The following IDH3B variants were observed in gnomAD, a reference collection of about 807,000 sequenced individuals.
The protein encoded by IDH3B is isocitrate dehydrogenase [NAD] subunit beta, mitochondrial.
IDH3B carries 40 observed loss-of-function variants against 47.5 expected under a neutral mutation model. The ratio of observed to expected loss-of-function variants is 0.84; its 90% CI spans 0.65 to 1.10. The LOEUF (loss-of-function observed/expected upper bound fraction) is 1.10. Among genes scored for constraint, IDH3B ranks in the 50% least tolerant of loss-of-function variants. The probability of loss-of-function intolerance (pLI) is 0.00; values close to 1 mark genes in which losing one functional copy is unlikely to be tolerated. For missense variants in IDH3B, 450 were observed against 505.2 expected, an observed-to-expected ratio of 0.89 and a Z score of 1.05; for synonymous variants, 185 against 191.0, an observed-to-expected ratio of 0.97 and a Z score of 0.26.
At position 2,663,918 on chromosome 20, in the gene IDH3B, T is replaced by A; in HGVS notation, c.117+7A>T. Reference sequence around the variant, plus strand: ...GTAAGAGAGACCCCAGCCAGATTCGTGCATACCTGGCTCCGCGATGCAGCG... The same window carrying A: ...GTAAGAGAGACCCCAGCCAGATTCGAGCATACCTGGCTCCGCGATGCAGCG... On this transcript the variant is annotated splice_region_variant and intron_variant, in intron 2 of 11. Transcript: ENST00000380843. 6.2e-7 allele frequency: 1 copy of A among 1,613,466 alleles called. No individual in the cohort carries two copies. The highest frequency in any genetic ancestry group is 8.5e-7 in the Non-Finnish European group (1 of 1,179,480).
At chr20:2,659,365 A>G (rs796985493) in intron 11 of IDH3B, 160 bp downstream of exon 11, 1 of 1,575,122 alleles carries the variant, frequency 6.3e-7, no homozygotes, top group Non-Finnish European at 8.6e-7. Context: ...AGGGAGATGA[A>G]GAACAGCCCT....
Position 2,664,212 on chromosome 20 carries a change from G to A in IDH3B, c.-24C>T. 6.2e-7 allele frequency: 1 copy of A among 1,611,910 alleles called. No homozygotes were observed. Among genetic ancestry groups the A allele is most frequent in the Non-Finnish European group, 8.5e-7 (1 of 1,179,240 alleles). On this transcript the variant is annotated 5_prime_UTR_variant, in exon 1 of 12. Coordinates refer to ENST00000380843, the MANE Select transcript of IDH3B (RefSeq NM_006899.5). ...ATGTTTCCCGCAGGAAGTCGCGTGGGAAGTGACGCCTGAAGCTGGCGCGGC... is the reference window on the plus strand; with the variant it reads ...ATGTTTCCCGCAGGAAGTCGCGTGGAAAGTGACGCCTGAAGCTGGCGCGGC...
chr20:2,663,450 G>A lies in IDH3B; in HGVS notation c.333C>T (p.Ile111=), dbSNP rs1202731663. The A allele has an allele frequency of 1.2e-6, 2 of 1,614,090 alleles. No homozygotes were observed. Among genetic ancestry groups the A allele is most frequent in the African/African-American group, 2.7e-5 (2 of 74,946 alleles). ...GTGGCAAGAGGGCACACATACCAAT[G>A]ATGGCCACTTTGTTCTCCTTCATGG... ...LSSMKENKVA[I]IGKIHTPMEY... Residue 111 remains isoleucine (I), a synonymous_variant, in exon 4 of 12, where the codon ATC becomes ATT. Coordinates refer to ENST00000380843, the MANE Select transcript of IDH3B (RefSeq NM_006899.5).
At chr20:2,663,176 G>A (rs2086980097) in intron 4 of IDH3B, among the ~76,000 whole-genome samples, 1 of 145,300 alleles carries the variant, frequency 6.9e-6, no homozygotes, top group South Asian at 2.1e-4. Context: ...GCAGCTAAAA[G>A]TGGTATTCCA....
At chr20:2,658,945 G>A in intron 11 of IDH3B, 108 bp from the exon 12 acceptor site, 3 of 1,548,506 alleles carry the variant, frequency 1.9e-6, no homozygotes, top group South Asian at 1.2e-5. Context: ...GTGACAGCCA[G>A]AAAAAAGGCA....
Position 2,663,960 on chromosome 20 carries a change from T to A in IDH3B, c.82A>T (p.Thr28Ser), listed in dbSNP as rs574960016. 2 of 1,613,994 alleles carry A rather than the reference T, an allele frequency of 1.2e-6. No homozygotes were observed. Among genetic ancestry groups the A allele is most frequent in the East Asian group, 4.5e-5 (2 of 44,872 alleles). The change falls in exon 2 of 12, where the codon ACC becomes TCC. Residue 28 changes from threonine to serine, a missense_variant. By Grantham distance (58) the Thr-to-Ser change is moderately conservative. Coordinates refer to ENST00000380843, the MANE Select transcript of IDH3B (RefSeq NM_006899.5). ...GNPGAWRGLS[T>S]SAAAHAASRS... is the part of the protein sequence containing the mutation. ...GATGCAGCGTGCGCCGCGGCCGAGG[T>A]ACTCAGACCTCTCCATGCCCCAGGG...
chr20:2,662,779 C>A (rs1225866464), intron 4 of IDH3B, among the ~76,000 whole-genome samples: 2 of 152,088 alleles, frequency 1.3e-5, no homozygotes, highest in Non-Finnish European at 1.5e-5. Flanking sequence ...ATGGTGAAAC[C>A]CCATCTCTAC....
At chr20:2,662,454 G>A (rs1190576641) in intron 4 of IDH3B, among the ~76,000 whole-genome samples, 1 of 152,168 alleles carries the variant, frequency 6.6e-6, no homozygotes, top group Non-Finnish European at 1.5e-5. Context: ...GAAGAGATAT[G>A]GAAGATGAAC....
At chr20:2,659,894 G>A (rs2086908450) in intron 9 of IDH3B, 101 bp from the exon 10 acceptor site, 1 of 1,436,360 alleles carries the variant, frequency 7.0e-7, no homozygotes, top group Non-Finnish European at 9.8e-7. Context: ...CTCAGGCCAG[G>A]GTCACTGAAA....
chr20:2,660,267 A>C lies in IDH3B; in HGVS notation c.764T>G (p.Met255Arg). Residue 255 changes from methionine to arginine, a missense_variant, in exon 8 of 12, where the codon ATG becomes AGG. Met to Arg is a moderately conservative substitution (Grantham distance 91). Coordinates refer to ENST00000380843, the MANE Select transcript of IDH3B (RefSeq NM_006899.5). The surrounding 1 kb of genome is among the most constrained non-coding windows in gnomAD (Gnocchi z 5.6). ...FETMIIDNCC[M>R]QLVQNPYQFD... ...AGAGATGTGGGGAGGCCTCACCTGC[A>C]TGCAGCAGTTGTCTATGATCATTGT... 1 of 1,614,084 alleles carries C rather than the reference A, an allele frequency of 6.2e-7. No homozygotes were observed. Among genetic ancestry groups the C allele is most frequent in the South Asian group, 1.1e-5 (1 of 91,068 alleles).
Position 2,660,110 on chromosome 20 carries a change from T to A in IDH3B, c.835A>T (p.Asn279Tyr). Residue 279 changes from asparagine (N) to tyrosine (Y), a missense_variant, in exon 9 of 12, where the codon AAT becomes TAT. Physicochemically the swap from Asn to Tyr is moderately radical, Grantham distance 143. Coordinates refer to ENST00000380843, the MANE Select transcript of IDH3B (RefSeq NM_006899.5). The surrounding 1 kb of genome is among the most constrained non-coding windows in gnomAD (Gnocchi z 5.6). ...MPNLYGNIIDNLAAGLVGGAG... is the reference protein window; with the variant it reads ...MPNLYGNIIDYLAAGLVGGAG... ...CCCCCAACCAGGCCAGCAGCCAGAT[T>A]GTCAATAATGTTCCCATAGAGATTG... 6.2e-7 allele frequency: 1 copy of A among 1,614,094 alleles called. No individual in the cohort carries two copies.
intron 2 of IDH3B, 22 bp downstream of exon 2, chr20:2,663,903 C>T: frequency 1.9e-6 from 3 of 1,612,916 alleles, no homozygotes; most frequent in Non-Finnish European, 2.5e-6. Context: ...GTAAGAGAGA[C>T]CCCAGCCAGA....
Position 2,658,866 on chromosome 20 carries a change from G to A in IDH3B, c.1072-29C>T, listed in dbSNP as rs914042636. 5.6e-6 allele frequency: 9 copies of A among 1,613,862 alleles called. No individual in the cohort carries two copies. In the African/African-American group the frequency reaches 6.7e-5, roughly 12 times the overall value. On this transcript the variant is annotated intron_variant, in intron 11 of 11. Coordinates refer to ENST00000380843, the MANE Select transcript of IDH3B (RefSeq NM_006899.5). Reference sequence around the variant, plus strand: ...CAGCCACCACCGGCAACAGCCGTGGGGAGGGAGAAAAGAGAGCCCATGAAG... The same window carrying A: ...CAGCCACCACCGGCAACAGCCGTGGAGAGGGAGAAAAGAGAGCCCATGAAG...
chr20:2,661,200 T>TGTGTGTGTGTGTGC (rs748243089), intron 4 of IDH3B, among the ~76,000 whole-genome samples: 2 of 151,706 alleles, frequency 1.3e-5, no homozygotes, highest in East Asian at 1.9e-4. Flanking sequence ...TGTGTGTGTG[T>TGTGTGTGTGTGTGC]GTGCGTGTGT....
chr20:2,659,198 A>G lies in IDH3B; in HGVS notation c.1071+327T>C. On this transcript the variant is annotated intron_variant, in intron 11 of 11. Transcript: ENST00000380843. ...GGCGTGAAGGTGAAGCTGATGCTTC[A>G]GCCTGCCTGTATCCCTTGCTGTTCC... The G allele has an allele frequency of 4.2e-6, 6 of 1,436,418 alleles. No individual in the cohort carries two copies. The South Asian group carries it at 9.0e-5, about 22-fold the overall frequency. The allele number at this position is 1,436,418 out of a possible 1,614,324, so 89.0% of individuals were successfully genotyped here.
chr20:2,663,783 G>A (rs772866335), intron 2 of IDH3B, 25 bp from the exon 3 acceptor site: 3 of 1,611,664 alleles, frequency 1.9e-6, no homozygotes, highest in Admixed American at 3.3e-5. Context: ...GAGGGGAGAA[G>A]TAAAGATAGA....
Position 2,660,005 on chromosome 20 carries a change from G to A in IDH3B, c.915+25C>T. The A allele has an allele frequency of 6.2e-7, 1 of 1,613,960 alleles. No homozygotes were observed. On this transcript the variant is annotated intron_variant, in intron 9 of 11. Transcript: ENST00000380843. This position sits in a 1 kb window ranked among gnomAD's most constrained non-coding sequence, Gnocchi z 5.6. ...AATGGCGGACTTGAGGTCAGAGGAA[G>A]GGCCGAGGGAGAAAGCAGCCTCACC...
chr20:2,660,760 G>A lies in IDH3B; in HGVS notation c.468C>T (p.Asn156=), dbSNP rs555133375. The change falls in exon 6 of 12, where the codon AAC becomes AAT. Residue 156 remains asparagine (N), a synonymous_variant. Coordinates refer to ENST00000380843, the MANE Select transcript of IDH3B (RefSeq NM_006899.5). This position sits in a 1 kb window ranked among gnomAD's most constrained non-coding sequence, Gnocchi z 5.6. ...KSLPGYMTRH[N]NLDLVIIREQ... ...CTCGAATGATCACCAGGTCTAGATTGTTGTGCCGAGTCATATACCCAGGAA... is the reference window on the plus strand; with the variant it reads ...CTCGAATGATCACCAGGTCTAGATTATTGTGCCGAGTCATATACCCAGGAA... 4.8e-5 allele frequency: 78 copies of A among 1,614,128 alleles called. 3 individuals carry two copies. In the South Asian group the frequency reaches 8.3e-4, roughly 17 times the overall value.
At chr20:2,659,888 G>T in intron 9 of IDH3B, 95 bp from the exon 10 acceptor site, 1 of 1,433,336 alleles carries the variant, frequency 7.0e-7, no homozygotes, top group Non-Finnish European at 9.8e-7. Flanking sequence ...GGGGAGCTCA[G>T]GCCAGGGTCA....
Sources: gnomAD v4.1 joint callset for allele counts (sites outside exome capture counted in the v4.1 genomes callset) on GRCh38, gnomAD v4.1.1 for gene constraint, Gnocchi (gnomAD v3.1) non-coding constraint, MANE v1.5 for transcripts, NCBI Gene and HGNC (gene_info 2026-07-23, HGNC 2026-07-21) for gene names.